NCKAP5: variants seen among roughly 807,000 people sequenced by gnomAD.
NCKAP5 encodes nck-associated protein 5.
In NCKAP5, 92 loss-of-function variants were observed where a neutral mutation model predicts 167.0. That is an observed-to-expected ratio of 0.55 (90% confidence interval 0.47 to 0.66). The LOEUF (loss-of-function observed/expected upper bound fraction) is 0.66. Among genes scored for constraint, NCKAP5 ranks in the 30% least tolerant of loss-of-function variants. The probability of loss-of-function intolerance (pLI) is 0.00; values close to 1 mark genes in which losing one functional copy is unlikely to be tolerated. For synonymous variants in NCKAP5, 891 were observed against 877.4 expected (o/e 1.02, Z -0.27); for missense variants, 2,378 against 2,315.0 (o/e 1.03, Z -0.56).
At chr2:133,080,139 G>A (rs2080753612) in intron 6 of NCKAP5, among the ~76,000 whole-genome samples, 1 of 152,010 alleles carries the variant, frequency 6.6e-6, no homozygotes, top group African/African-American at 2.4e-5. Context: ...ATACTAAAAT[G>A]CCCCCAGAAA....
chr2:132,762,291 T>A (rs955518689), intron 16 of NCKAP5, among the ~76,000 whole-genome samples: 2 of 152,220 alleles, frequency 1.3e-5, no homozygotes, highest in Non-Finnish European at 2.9e-5. Context: ...TATTCATAAT[T>A]TTCTGTCACA....
At chr2:133,625,070 G>A in the NCKAP5 span, among the ~76,000 whole-genome samples, 1 of 152,148 alleles carries the variant, frequency 6.6e-6, no homozygotes, top group African/African-American at 2.4e-5. Flanking sequence ...AACAACTCTT[G>A]AAACTTTTCA....
chr2:133,589,686 T>G, the NCKAP5 span, among the ~76,000 whole-genome samples: 3 of 152,230 alleles, frequency 2.0e-5, no homozygotes, highest in South Asian at 6.2e-4. Context: ...GCCCACCAGA[T>G]GGCCAGAGCC....
chr2:133,404,535 T>C (rs1219805254), intron 3 of NCKAP5, among the ~76,000 whole-genome samples: 1 of 152,222 alleles, frequency 6.6e-6, no homozygotes, highest in Non-Finnish European at 1.5e-5. Flanking sequence ...ATAATAAAAG[T>C]TATATGAATG....
the NCKAP5 span, among the ~76,000 whole-genome samples, chr2:133,597,277 G>C: frequency 6.6e-6 from 1 of 152,168 alleles, no homozygotes; most frequent in Non-Finnish European, 1.5e-5. Context: ...CAGACCTACT[G>C]AATCAGAGAC....
intron 19 of NCKAP5, among the ~76,000 whole-genome samples, chr2:132,721,300 TC>T (rs1184155072): frequency 2.6e-5 from 4 of 151,760 alleles, no homozygotes; most frequent in African/African-American, 4.8e-5. Flanking sequence ...AGAACAAGAC[TC>T]CGTCTTGGAA....
chr2:133,050,463 C>T (rs2079562430), intron 6 of NCKAP5, among the ~76,000 whole-genome samples: 1 of 152,262 alleles, frequency 6.6e-6, no homozygotes, highest in African/African-American at 2.4e-5. Context: ...GATTTGAAAT[C>T]TGCATTCCAC....
chr2:132,791,158 T>C (rs1684036115), intron 12 of NCKAP5, among the ~76,000 whole-genome samples: 2 of 152,196 alleles, frequency 1.3e-5, no homozygotes, highest in South Asian at 4.1e-4. Flanking sequence ...TGCTACACTT[T>C]CCTCTGGTTC....
intron 2 of NCKAP5, among the ~76,000 whole-genome samples, chr2:133,532,507 G>A (rs577278192): frequency 7.2e-5 from 11 of 152,186 alleles, no homozygotes; most frequent in Admixed American, 2.6e-4. Context: ...ATAAATGCTC[G>A]GTTATTTGGG....
intron 7 of NCKAP5, among the ~76,000 whole-genome samples, chr2:132,971,230 T>C (rs1217823758): frequency 6.6e-6 from 1 of 152,086 alleles, no homozygotes; most frequent in Non-Finnish European, 1.5e-5. Flanking sequence ...TGAGAACAGA[T>C]AATAGAGCGA....
chr2:133,453,043 T>G (rs550354624), intron 3 of NCKAP5, among the ~76,000 whole-genome samples: 1 of 152,248 alleles, frequency 6.6e-6, no homozygotes, highest in Non-Finnish European at 1.5e-5. Flanking sequence ...GGACTCTCAG[T>G]TCTCCAAATA....
At chr2:133,008,352 G>A (rs995796856) in intron 6 of NCKAP5, among the ~76,000 whole-genome samples, 1 of 152,168 alleles carries the variant, frequency 6.6e-6, no homozygotes, top group South Asian at 2.1e-4. Context: ...CATTCCCTCT[G>A]GTCCGGAAAT....
chr2:133,487,403 TA>T (rs1173570855), intron 3 of NCKAP5, among the ~76,000 whole-genome samples: 1 of 152,094 alleles, frequency 6.6e-6, no homozygotes, highest in African/African-American at 2.4e-5. Context: ...GTGGGAGCTG[TA>T]AAAGTCAAGA....
chr2:132,738,342 C>T (rs1211807677), intron 16 of NCKAP5, among the ~76,000 whole-genome samples: 1 of 152,176 alleles, frequency 6.6e-6, no homozygotes. Context: ...TACACAGCAT[C>T]ACTGGGCCTG....
At chr2:132,841,590 A>C (rs2105425929) in intron 11 of NCKAP5, among the ~76,000 whole-genome samples, 1 of 152,204 alleles carries the variant, frequency 6.6e-6, no homozygotes, top group South Asian at 2.1e-4. Context: ...TTATTTCCAG[A>C]ATTTAATTGC....
At chr2:132,862,393 G>A (rs1021033170) in intron 10 of NCKAP5, among the ~76,000 whole-genome samples, 7 of 152,088 alleles carry the variant, frequency 4.6e-5, no homozygotes, top group Non-Finnish European at 1.0e-4. Context: ...TCAACTGATC[G>A]GTGCCTACAA....
At chr2:133,157,395 G>A (rs538676560) in intron 5 of NCKAP5, among the ~76,000 whole-genome samples, 1 of 152,308 alleles carries the variant, frequency 6.6e-6, no homozygotes, top group East Asian at 1.9e-4. Context: ...CTACCAGAGG[G>A]CATTAATACG....
At chr2:133,552,870 T>C (rs1278874978) in intron 2 of NCKAP5, among the ~76,000 whole-genome samples, 1 of 152,146 alleles carries the variant, frequency 6.6e-6, no homozygotes, top group Non-Finnish European at 1.5e-5. Flanking sequence ...AGTTCAACCA[T>C]CAATCTTTAG....
At chr2:132,790,514 A>G (rs888896286) in intron 12 of NCKAP5, among the ~76,000 whole-genome samples, 1 of 152,224 alleles carries the variant, frequency 6.6e-6, no homozygotes, top group African/African-American at 2.4e-5. Context: ...TGTGCTGAAA[A>G]TGAACATCAG....
Sources: gnomAD v4.1 joint callset for allele counts (sites outside exome capture counted in the v4.1 genomes callset) on GRCh38, gnomAD v4.1.1 for gene constraint, MANE v1.5 for transcripts, NCBI Gene and HGNC (gene_info 2026-07-23, HGNC 2026-07-21) for gene names.